Variants in ZNF582 observed in about 807,000 individuals in gnomAD.
ZNF582 encodes the protein zinc finger protein 582.
A neutral mutation model predicts 12.3 loss-of-function variants in ZNF582; 14 were observed. That is an observed-to-expected ratio of 1.14 (90% CI 0.75 to 1.78). ZNF582 has a LOEUF of 1.78. Ranked by LOEUF, ZNF582 falls within the 40% of genes most tolerant of loss-of-function variation. The pLI, the probability that ZNF582 is intolerant of heterozygous loss-of-function variation, is 0.00. For missense variants in ZNF582, 567 were observed against 616.5 expected, an observed-to-expected ratio of 0.92 and a Z score of 0.85; for synonymous variants, 210 against 207.2, an observed-to-expected ratio of 1.01 and a Z score of -0.11.
At chr19:56,386,643 A>G (rs1280577732) in intron 4 of ZNF582, 3 of 152,260 alleles carry the variant, frequency 2.0e-5, no homozygotes, top group Non-Finnish European at 4.4e-5. Context: ...ACTTATAGCA[A>G]CCAACCCCAG....
intron 4 of ZNF582, among the ~76,000 whole-genome samples, chr19:56,387,244 A>G (rs989437877): frequency 3.3e-5 from 5 of 152,212 alleles, no homozygotes; most frequent in African/African-American, 4.8e-5. Context: ...CTATAAAAAC[A>G]TTGGTCATTT....
chr19:56,384,220 T>C, exon 5 of ZNF582: 2 of 1,613,754 alleles, frequency 1.2e-6, no homozygotes, highest in Middle Eastern at 1.7e-4. Flanking sequence ...CCCTACCACA[T>C]ACCTTACATT....
exon 1 of ZNF582, chr19:56,393,517 G>T (rs529501083): frequency 6.1e-6 from 3 of 493,762 alleles, no homozygotes; most frequent in African/African-American, 5.8e-5. Context: ...CCACGGTACC[G>T]GTGGATTCGC....
chr19:56,388,894 A>T (rs1386129673), intron 4 of ZNF582, among the ~76,000 whole-genome samples: 1 of 152,080 alleles, frequency 6.6e-6, no homozygotes, highest in Non-Finnish European at 1.5e-5. Context: ...TGGGATTATA[A>T]GCATGAGCCA....
chr19:56,384,679 CTGA>C, exon 5 of ZNF582: 1 of 1,613,596 alleles, frequency 6.2e-7, no homozygotes, highest in South Asian at 1.1e-5. Context: ...TATGAACTCT[CTGA>C]TGTTGTATAA....
chr19:56,391,944 A>T, intron 1 of ZNF582, 112 bp from the exon 2 acceptor site: 2 of 887,572 alleles, frequency 2.3e-6, no homozygotes, highest in Non-Finnish European at 3.4e-6. Context: ...AATGAGAAGG[A>T]GGGGGAGGCA....
chr19:56,383,866 G>C, exon 5 of ZNF582: 3 of 1,562,762 alleles, frequency 1.9e-6, no homozygotes, highest in Non-Finnish European at 2.6e-6. Flanking sequence ...AATTAGCCTA[G>C]GCTAATGGGC....
intron 4 of ZNF582, among the ~76,000 whole-genome samples, chr19:56,386,014 C>T (rs754691911): frequency 6.6e-5 from 10 of 152,048 alleles, no homozygotes; most frequent in East Asian, 1.9e-4. Context: ...AAAAGAGTTC[C>T]GGAGATGGAC....
chr19:56,393,268 C>A (rs1045487891), exon 1 of ZNF582: 1 of 1,242,746 alleles, frequency 8.0e-7, no homozygotes, highest in Non-Finnish European at 1.0e-6. Context: ...AGAAAGGGGG[C>A]GCCAGAAAGC....
intron 4 of ZNF582, chr19:56,388,473 G>C (rs911495266): frequency 1.3e-5 from 2 of 152,142 alleles, no homozygotes; most frequent in Non-Finnish European, 2.9e-5. Flanking sequence ...AACTATCAAT[G>C]ACTTCTGAAA....
exon 5 of ZNF582, chr19:56,384,852 G>A: frequency 2.5e-6 from 4 of 1,606,980 alleles, no homozygotes; most frequent in Non-Finnish European, 3.4e-6. Context: ...ATTCCTTGAT[G>A]ATTAATAAGG....
intron 2 of ZNF582, 76 bp downstream of exon 2, chr19:56,391,668 C>G (rs2042014839): frequency 7.8e-6 from 11 of 1,412,282 alleles, no homozygotes; most frequent in Non-Finnish European, 1.1e-5. Flanking sequence ...AGTCTGAGAA[C>G]CAAATTTCTG....
intron 1 of ZNF582, 23 bp from the exon 2 acceptor site, chr19:56,391,855 T>C: frequency 2.5e-6 from 4 of 1,605,874 alleles, no homozygotes; most frequent in Non-Finnish European, 3.4e-6. Context: ...AGAGCAAACA[T>C]GAGAGGCTAG....
At chr19:56,386,934 A>G (rs2041971102) in intron 4 of ZNF582, among the ~76,000 whole-genome samples, 1 of 152,276 alleles carries the variant, frequency 6.6e-6, no homozygotes, top group African/African-American at 2.4e-5. Context: ...TAACAAGGAT[A>G]TCATTTTTAA....
At chr19:56,384,558 C>T (rs1260381543) in exon 5 of ZNF582, 1 of 1,613,994 alleles carries the variant, frequency 6.2e-7, no homozygotes, top group African/African-American at 1.3e-5. Flanking sequence ...TTGCCACATT[C>T]CTTACACTGA....
intron 1 of ZNF582, 133 bp from the exon 2 acceptor site, chr19:56,391,965 C>A: frequency 1.4e-6 from 1 of 697,460 alleles, no homozygotes; most frequent in Non-Finnish European, 2.4e-6. Flanking sequence ...AAGGGATCCT[C>A]ACCCAACCCC....
chr19:56,384,586 G>T, exon 5 of ZNF582: 1 of 1,614,004 alleles, frequency 6.2e-7, no homozygotes, highest in Non-Finnish European at 8.5e-7. Flanking sequence ...TCTCGCCTGT[G>T]TGAGTTCGCT....
intron 2 of ZNF582, among the ~76,000 whole-genome samples, 164 bp downstream of exon 2, chr19:56,391,580 C>T (rs2042014288): frequency 6.6e-6 from 1 of 152,134 alleles, no homozygotes; most frequent in South Asian, 2.1e-4. Context: ...GAGAATAAAT[C>T]TGTGGGCATT....
chr19:56,389,892 A>AG, intron 4 of ZNF582, 109 bp downstream of exon 4: 5 of 789,182 alleles, frequency 6.3e-6, no homozygotes, highest in South Asian at 3.4e-5. Context: ...CGTAAGACAT[A>AG]AGCTTTGAAG....
Sources: gnomAD v4.1 joint callset for allele counts (sites outside exome capture counted in the v4.1 genomes callset) on GRCh38, gnomAD v4.1.1 for gene constraint, MANE v1.5 for transcripts, NCBI Gene and HGNC (gene_info 2026-07-23, HGNC 2026-07-21) for gene names.